Variants in DOC2A observed in about 807,000 individuals in gnomAD.
The protein encoded by DOC2A is double C2-like domain-containing protein alpha.
Under a neutral mutation model 40.6 loss-of-function variants are expected in DOC2A, and 28 were observed. The observed-to-expected ratio is 0.69, with a 90% confidence interval of 0.51 to 0.95. DOC2A has a LOEUF of 0.95. Ranked by LOEUF, DOC2A falls within the 40% of genes least tolerant of loss-of-function variation. The pLI, the probability that DOC2A is intolerant of heterozygous loss-of-function variation, is 0.00. For missense variants in DOC2A, 474 were observed against 552.5 expected (o/e 0.86, Z 1.42); for synonymous variants, 241 against 236.9 (o/e 1.02, Z -0.16).
At chr16:30,014,930 A>T (rs1218782444), upstream of DOC2A, 1 of 152,044 alleles carries the variant, frequency 6.6e-6, no homozygotes, top group Non-Finnish European at 1.5e-5. Context: ...ACTCCATCTC[A>T]GAAGAAAAAG....
chr16:30,016,693 C>T (rs1273111493), upstream of DOC2A, among the ~76,000 whole-genome samples: 2 of 152,188 alleles, frequency 1.3e-5, no homozygotes, highest in African/African-American at 4.8e-5. Flanking sequence ...TGTCCAGAGA[C>T]GGGAGGCTTT....
At position 30,006,843 on chromosome 16, in the gene DOC2A, G is replaced by A. The variant is rs750445623; in HGVS notation, c.820C>T (p.Arg274Cys). Residue 274 changes from arginine (R) to cysteine (C), a missense_variant, in exon 8 of 11, where the codon CGC becomes TGC. Arg to Cys is a radical substitution (Grantham distance 180). Coordinates refer to ENST00000350119, the MANE Select transcript of DOC2A (RefSeq NM_003586.3). This position sits in a 1 kb window ranked among gnomAD's most constrained non-coding sequence, Gnocchi z 6.2. ...TCCATGGCAGCCAGATGGGCGCAGC[G>A]CAAGATGCCTACCAGCAGTCCCCGG... ...RRRGLLVGIL[R>C]CAHLAAMDVN... is the part of the protein sequence containing the mutation. 5.6e-6 allele frequency: 9 copies of A among 1,613,552 alleles called. No individual in the cohort carries two copies. Among genetic ancestry groups the A allele is most frequent in the Admixed American group, 1.7e-5 (1 of 59,990 alleles).
upstream of DOC2A, among the ~76,000 whole-genome samples, chr16:30,015,419 G>C (rs2150962138): frequency 6.6e-6 from 1 of 152,278 alleles, no homozygotes; most frequent in East Asian, 1.9e-4. Context: ...GGGTTCAAGT[G>C]ATTCTCCCGC....
In DOC2A at chr16:30,008,978, G is replaced by A. The variant is rs745957156; in HGVS notation, c.527+18C>T. 2 of 1,563,498 alleles carry A rather than the reference G, an allele frequency of 1.3e-6. No homozygotes were observed. The highest frequency in any genetic ancestry group is 1.8e-6 in the Non-Finnish European group (2 of 1,135,032). On this transcript the variant is annotated intron_variant, in intron 5 of 10. Transcript: ENST00000350119. ...TGTCCCCGAGCTGCTGCTGGGTGGTGGGGAGGGGGGCCCTCACCTGAGCAC... is the reference window on the plus strand; with the variant it reads ...TGTCCCCGAGCTGCTGCTGGGTGGTAGGGAGGGGGGCCCTCACCTGAGCAC...
upstream of DOC2A, among the ~76,000 whole-genome samples, chr16:30,015,491 T>C (rs1385526651): frequency 1.3e-5 from 2 of 152,078 alleles, no homozygotes; most frequent in Non-Finnish European, 2.9e-5. Context: ...AATTTTTTTG[T>C]ATTTTTGTAG....
At chr16:30,018,361 C>T (rs961147645) in intron 1 of DOC2A, among the ~76,000 whole-genome samples, 1 of 152,026 alleles carries the variant, frequency 6.6e-6, no homozygotes, top group Non-Finnish European at 1.5e-5. Flanking sequence ...TTCTCTGTCA[C>T]CCAGCTTGGA....
At chr16:30,007,111 T>G in intron 6 of DOC2A, 21 bp from the exon 7 acceptor site, 1 of 1,613,478 alleles carries the variant, frequency 6.2e-7, no homozygotes, top group South Asian at 1.1e-5. Context: ...AAAGAGAAGG[T>G]TCTGGAAGCC....
chr16:30,021,197 G>C (rs1384215131), exon 1 of DOC2A: 1 of 152,044 alleles, frequency 6.6e-6, no homozygotes, highest in Non-Finnish European at 1.5e-5. Context: ...TCTCTGCATA[G>C]GGTTGCGGCA....
upstream of DOC2A, among the ~76,000 whole-genome samples, chr16:30,016,055 A>T (rs28379917): frequency 0.14 from 2,354 of 16,658 alleles, 132 homozygotes; most frequent in East Asian, 0.24. Context: ...ATATATATAT[A>T]TTTTTTTTTT....
At chr16:30,022,246 CAAAAAAAAAAAA>C (rs60987861), upstream of DOC2A, among the ~76,000 whole-genome samples, 32 of 34,302 alleles carry the variant, frequency 9.3e-4, no homozygotes, top group South Asian at 2.5e-3. Flanking sequence ...AACTCCATCT[CAAAAAAAAAAAA>C]AAAAAAAAAA....
chr16:30,007,428 GAGA>G (rs1567280154), intron 5 of DOC2A, 129 bp from the exon 6 acceptor site: 2 of 1,347,678 alleles, frequency 1.5e-6, no homozygotes, highest in Non-Finnish European at 2.1e-6. Flanking sequence ...GCTGGCACTT[GAGA>G]AGGACAAGCA....
At chr16:30,018,120 A>C (rs1389941884) in intron 1 of DOC2A, among the ~76,000 whole-genome samples, 2 of 149,934 alleles carry the variant, frequency 1.3e-5, no homozygotes, top group East Asian at 1.9e-4. Context: ...AAAAAAAAAA[A>C]AAAAAAAAAC....
At position 30,009,815 on chromosome 16, in the gene DOC2A, G is replaced by A; in HGVS notation, c.262+146C>T. The A allele has an allele frequency of 1.0e-6, 1 of 980,618 alleles. No individual in the cohort carries two copies. The highest frequency in any genetic ancestry group is 1.4e-5 in the South Asian group (1 of 72,076). The allele number at this position is 980,618 out of a possible 1,614,324, so 60.7% of individuals were successfully genotyped here. On this transcript the variant is annotated intron_variant, in intron 2 of 10. Transcript: ENST00000350119. This position sits in a 1 kb window ranked among gnomAD's most constrained non-coding sequence, Gnocchi z 4.1. Reference sequence around the variant, plus strand: ...AGCTGTAATCTCCACGCTGACTGCAGCTGTGGTGGCCGTCCCTGCCACCCC... The same window carrying A: ...AGCTGTAATCTCCACGCTGACTGCAACTGTGGTGGCCGTCCCTGCCACCCC...
At chr16:30,018,103 CAAAAAAAAAAAAAA>C (rs34061843) in intron 1 of DOC2A, among the ~76,000 whole-genome samples, 1 of 61,600 alleles carries the variant, frequency 1.6e-5, no homozygotes. Flanking sequence ...CTATTTCTAC[CAAAAAAAAAAAAAA>C]AAAAAAAAAA....
At chr16:30,015,766 T>C (rs1002496710), upstream of DOC2A, among the ~76,000 whole-genome samples, 1 of 143,888 alleles carries the variant, frequency 6.9e-6, no homozygotes, top group Non-Finnish European at 1.5e-5. Context: ...AGTGGCAAGA[T>C]CATAGCTCAC....
In DOC2A at chr16:30,007,305, C is replaced by G. The variant is rs778198086; in HGVS notation, c.528-6G>C. 6.2e-7 allele frequency: 1 copy of G among 1,613,696 alleles called. No individual in the cohort carries two copies. On this transcript the variant is annotated splice_region_variant and splice_polypyrimidine_tract_variant and intron_variant, in intron 5 of 10. Coordinates refer to ENST00000350119, the MANE Select transcript of DOC2A (RefSeq NM_003586.3). ...CCTCATCACAGACGGCGATCCTGGT[C>G]GGGAACTGCAGTGTCAGGGCCCCTG... is the stretch of plus-strand genomic sequence containing the variant.
chr16:30,011,447 C>T (rs1229509750), upstream of DOC2A: 3 of 983,190 alleles, frequency 3.1e-6, no homozygotes, highest in Non-Finnish European at 3.6e-6. Context: ...TGGCCCCCCG[C>T]CCCCGCCCGC....
rs976247075 is a variant in DOC2A at position 30,010,415 on chromosome 16, T to G, written c.-13-180A>C. 6.3e-6 allele frequency: 5 copies of G among 794,488 alleles called. No homozygotes were observed. Among genetic ancestry groups the G allele is most frequent in the Non-Finnish European group, 1.0e-5 (5 of 484,946 alleles). 49.2% of individuals were successfully genotyped at this position (794,488 alleles called of 1,614,324 possible). A position where few individuals can be genotyped will look rare whatever the true frequency, so the allele number is the denominator to read the frequency against. ...GGCCTGGGCCCTGCAGACCCCAAGC[T>G]GACTCCACAGGGGCTGGGCTGCCAA... On this transcript the variant is annotated intron_variant, in intron 1 of 10. Transcript: ENST00000350119. The surrounding 1 kb of genome is among the most constrained non-coding windows in gnomAD (Gnocchi z 4.2).
intron 6 of DOC2A, 38 bp downstream of exon 6, chr16:30,007,135 G>GC (rs2070635382): frequency 6.2e-7 from 1 of 1,613,530 alleles, no homozygotes; most frequent in South Asian, 1.1e-5. Flanking sequence ...CCTCCCCAGG[G>GC]CCCCCTCCCC....
Sources: gnomAD v4.1 joint callset for allele counts (sites outside exome capture counted in the v4.1 genomes callset) on GRCh38, gnomAD v4.1.1 for gene constraint, Gnocchi (gnomAD v3.1) non-coding constraint, MANE v1.5 for transcripts, NCBI Gene and HGNC (gene_info 2026-07-23, HGNC 2026-07-21) for gene names.